Variants in LRRK1 observed in about 807,000 individuals in gnomAD.
LRRK1 encodes leucine-rich repeat serine/threonine-protein kinase 1.
A neutral mutation model predicts 209.1 loss-of-function variants in LRRK1; 113 were observed. The observed-to-expected ratio is 0.54, with a 90% CI of 0.46 to 0.63. The LOEUF (loss-of-function observed/expected upper bound fraction) is 0.63, where lower values mean the gene tolerates loss of function less well. Ranked by LOEUF, LRRK1 falls within the 30% of genes least tolerant of loss-of-function variation. The pLI, the probability that LRRK1 is intolerant of heterozygous loss-of-function variation, is 0.00. For synonymous variants in LRRK1, 1,144 were observed against 1,099.7 expected, an observed-to-expected ratio of 1.04 and a Z score of -0.80; for missense variants, 2,284 against 2,632.2, an observed-to-expected ratio of 0.87 and a Z score of 2.89.
rs535402464 is a variant in LRRK1, at chr15:101,062,825, C to T, written c.4914+135C>T. 4.5e-4 allele frequency: 314 copies of T among 702,148 alleles called. 3 individuals carry two copies. The South Asian group carries it at 4.7e-3, about 10-fold the overall frequency. 43.5% of individuals were successfully genotyped at this position (702,148 alleles called of 1,614,324 possible). On this transcript the variant is annotated intron_variant, in intron 31 of 33. Coordinates refer to ENST00000388948, the MANE Select transcript of LRRK1 (RefSeq NM_024652.6). ...CTGGCCTAGGACGTAGACTTAGAGACGGTGGGAGGAAAGATATCAGACCTG... is the reference window on the plus strand; with the variant it reads ...CTGGCCTAGGACGTAGACTTAGAGATGGTGGGAGGAAAGATATCAGACCTG...
intron 2 of LRRK1, among the ~76,000 whole-genome samples, chr15:100,946,365 C>T (rs984864073): frequency 6.9e-6 from 1 of 145,692 alleles, no homozygotes; most frequent in African/African-American, 2.6e-5. Context: ...TATTCCAATG[C>T]CACCATAATG....
chr15:100,971,650 G>A (rs2030893005), intron 2 of LRRK1, among the ~76,000 whole-genome samples: 1 of 152,110 alleles, frequency 6.6e-6, no homozygotes, highest in Admixed American at 6.5e-5. Context: ...GGCATTTAGG[G>A]TGTCCATCAC....
At chr15:101,061,923 G>C (rs769258278) in intron 30 of LRRK1, among the ~76,000 whole-genome samples, 1 of 152,174 alleles carries the variant, frequency 6.6e-6, no homozygotes, top group Non-Finnish European at 1.5e-5. Flanking sequence ...CAGGAGAATC[G>C]GTTGAACCCA....
intron 10 of LRRK1, among the ~76,000 whole-genome samples, chr15:101,013,030 T>A (rs1199268914): frequency 6.6e-6 from 1 of 152,140 alleles, no homozygotes; most frequent in Non-Finnish European, 1.5e-5. Context: ...AGGCTTGGAT[T>A]TTTGGCTTCC....
intron 10 of LRRK1, among the ~76,000 whole-genome samples, chr15:101,013,726 G>A (rs928570614): frequency 6.6e-6 from 1 of 152,228 alleles, no homozygotes; most frequent in Non-Finnish European, 1.5e-5. Flanking sequence ...TCTGTTTGCA[G>A]TAGGGCTGAG....
intron 2 of LRRK1, among the ~76,000 whole-genome samples, chr15:100,943,652 C>T (rs1206461400): frequency 6.7e-6 from 1 of 150,140 alleles, no homozygotes; most frequent in Non-Finnish European, 1.5e-5. Flanking sequence ...TTAGTTCCTC[C>T]TCAGTTCTTG....
At chr15:101,004,022 C>T (rs143861284) in intron 6 of LRRK1, among the ~76,000 whole-genome samples, 199 of 152,300 alleles carry the variant, frequency 1.3e-3, no homozygotes, top group African/African-American at 4.7e-3. Context: ...AATGTTGGGC[C>T]TACTTGTGAG....
At chr15:101,025,720 G>C (rs1485882889) in intron 16 of LRRK1, among the ~76,000 whole-genome samples, 2 of 152,234 alleles carry the variant, frequency 1.3e-5, no homozygotes, top group African/African-American at 4.8e-5. Flanking sequence ...AAGGTGCCAA[G>C]CCATTCATGA....
At chr15:101,003,338 G>C (rs1323721193) in intron 6 of LRRK1, among the ~76,000 whole-genome samples, 2 of 152,200 alleles carry the variant, frequency 1.3e-5, no homozygotes, top group Non-Finnish European at 1.5e-5. Flanking sequence ...TGTGCCTACA[G>C]AGAGCTCTGG....
intron 13 of LRRK1, 125 bp from the exon 14 acceptor site, chr15:101,021,720 C>G (rs1408133291): frequency 1.6e-6 from 1 of 626,964 alleles, no homozygotes; most frequent in Non-Finnish European, 2.8e-6. Flanking sequence ...AATCAGGGCT[C>G]AAAGTGTGGG....
chr15:101,064,146 C>T (rs2036378714), intron 31 of LRRK1, among the ~76,000 whole-genome samples: 1 of 152,270 alleles, frequency 6.6e-6, no homozygotes, highest in African/African-American at 2.4e-5. Flanking sequence ...TGAGCCAGGA[C>T]TGCAGATAGA....
At chr15:101,034,206 G>T (rs1399069513) in intron 20 of LRRK1, among the ~76,000 whole-genome samples, 1 of 152,116 alleles carries the variant, frequency 6.6e-6, no homozygotes, top group Non-Finnish European at 1.5e-5. Context: ...CATTCAACAG[G>T]TCTCTTCACT....
At chr15:100,945,448 A>G (rs1401013525) in intron 2 of LRRK1, among the ~76,000 whole-genome samples, 1 of 92,980 alleles carries the variant, frequency 1.1e-5, no homozygotes, top group African/African-American at 3.9e-5. Context: ...AAGTAGCTAT[A>G]TTTACTTTTT....
At chr15:100,984,143 G>A (rs528708040) in intron 4 of LRRK1, among the ~76,000 whole-genome samples, 167 of 152,254 alleles carry the variant, frequency 1.1e-3, no homozygotes, top group Non-Finnish European at 2.0e-3. Flanking sequence ...AGATGGGGAC[G>A]CATCAGTCTC....
intron 26 of LRRK1, 105 bp from the exon 27 acceptor site, chr15:101,054,841 A>C: frequency 9.9e-7 from 1 of 1,008,184 alleles, no homozygotes; most frequent in East Asian, 2.7e-5. Context: ...AAAATCATAA[A>C]GTATCTAGGG....
intron 29 of LRRK1, among the ~76,000 whole-genome samples, chr15:101,058,617 C>CAGGG (rs1555479975): frequency 1.3e-5 from 1 of 75,366 alleles, no homozygotes. Flanking sequence ...GAAGGGGCAA[C>CAGGG]GGGGGGGGGC....
In LRRK1 at chr15:100,988,550, A is replaced by G. The variant is rs750294583; in HGVS notation, c.434-84A>G. 23 of 1,247,266 alleles carry G rather than the reference A, an allele frequency of 1.8e-5. No homozygotes were observed. In the East Asian group the frequency reaches 5.3e-4, roughly 29 times the overall value. 77.3% of individuals were successfully genotyped at this position (1,247,266 alleles called of 1,614,324 possible). On this transcript the variant is annotated intron_variant, in intron 4 of 33. Transcript: ENST00000388948. ...CATTTTATTTAACCAGTCCATTGCT[A>G]CTAGCGGTCTAAGGGAAGAGCAGAG...
chr15:101,014,712 A>C (rs1291537144), intron 11 of LRRK1, among the ~76,000 whole-genome samples: 1 of 152,040 alleles, frequency 6.6e-6, no homozygotes, highest in Non-Finnish European at 1.5e-5. Flanking sequence ...CTGTGACCTA[A>C]TCTCCTCTTC....
In LRRK1 at chr15:101,070,627, G is replaced by A. The variant is rs1024546050; in HGVS notation, c.*1779G>A. 6.6e-6 allele frequency: 1 copy of A among 152,050 alleles called. No homozygotes were observed. Among genetic ancestry groups the A allele is most frequent in the African/African-American group, 2.4e-5 (1 of 41,384 alleles). 9.4% of individuals were successfully genotyped at this position (152,050 alleles called of 1,614,324 possible). A position where few individuals can be genotyped will look rare whatever the true frequency, so the allele number is the denominator to read the frequency against. On this transcript the variant is annotated 3_prime_UTR_variant, in exon 34 of 34. Transcript: ENST00000388948. ...CCAGCCCCAGGCCTCACAGAGCCAG[G>A]GGAGGGGATCTCATCACATCACAGT...
Sources: gnomAD v4.1 joint callset for allele counts (sites outside exome capture counted in the v4.1 genomes callset) on GRCh38, gnomAD v4.1.1 for gene constraint, MANE v1.5 for transcripts, NCBI Gene and HGNC (gene_info 2026-07-23, HGNC 2026-07-21) for gene names.